The following ASTN1 variants were observed in gnomAD, a reference collection of about 807,000 sequenced individuals.
The protein encoded by ASTN1 is astrotactin 1.
A neutral mutation model predicts 140.7 loss-of-function variants in ASTN1; 41 were observed. The ratio of observed to expected loss-of-function variants is 0.29; its 90% CI spans 0.23 to 0.38. ASTN1 has a LOEUF of 0.38. Ranked by LOEUF, ASTN1 falls within the 10% of genes least tolerant of loss-of-function variation. ASTN1 has a pLI of 1.00. For synonymous variants in ASTN1, 640 were observed against 652.2 expected, an observed-to-expected ratio of 0.98 and a Z score of 0.29; for missense variants, 1,479 against 1,678.8, an observed-to-expected ratio of 0.88 and a Z score of 2.08.
At chr1:177,153,810 A>G (rs1392117773) in intron 1 of ASTN1, among the ~76,000 whole-genome samples, 1 of 152,212 alleles carries the variant, frequency 6.6e-6, no homozygotes, top group Non-Finnish European at 1.5e-5. Context: ...CTCATTTTAC[A>G]GTCAAAGAGA....
intron 8 of ASTN1, chr1:176,976,472 C>G (rs1232190555): frequency 6.6e-6 from 1 of 152,168 alleles, no homozygotes; most frequent in Non-Finnish European, 1.5e-5. Flanking sequence ...CCAACACTGA[C>G]CCTGCAGTCT....
intron 1 of ASTN1, among the ~76,000 whole-genome samples, chr1:177,101,211 C>A (rs1680285972): frequency 6.6e-6 from 1 of 152,188 alleles, no homozygotes; most frequent in East Asian, 1.9e-4. Flanking sequence ...TATTATACAT[C>A]TAACTAAAAT....
At chr1:177,161,937 T>A (rs1647400777) in intron 1 of ASTN1, among the ~76,000 whole-genome samples, 1 of 152,164 alleles carries the variant, frequency 6.6e-6, no homozygotes, top group African/African-American at 2.4e-5. Context: ...GTGTTTCCAG[T>A]GACTAGAGAC....
chr1:177,161,543 A>C (rs987363322), intron 1 of ASTN1, among the ~76,000 whole-genome samples: 3 of 152,184 alleles, frequency 2.0e-5, no homozygotes, highest in African/African-American at 7.2e-5. Flanking sequence ...GATACCACCT[A>C]ATAGAGAAAG....
intron 8 of ASTN1, among the ~76,000 whole-genome samples, chr1:177,002,773 G>T (rs1674796620): frequency 6.6e-6 from 1 of 151,994 alleles, no homozygotes; most frequent in Admixed American, 6.6e-5. Context: ...TATTAGCATT[G>T]TTTTTGCAGA....
intron 1 of ASTN1, among the ~76,000 whole-genome samples, chr1:177,128,645 C>T (rs1048324959): frequency 6.6e-6 from 1 of 152,094 alleles, no homozygotes; most frequent in Non-Finnish European, 1.5e-5. Flanking sequence ...AATCACTCTT[C>T]CCTTTTTTCT....
intron 1 of ASTN1, among the ~76,000 whole-genome samples, chr1:177,079,166 C>G (rs181671647): frequency 6.6e-6 from 1 of 152,216 alleles, no homozygotes; most frequent in African/African-American, 2.4e-5. Context: ...GAAATGAAAC[C>G]AGGACTAAAT....
At chr1:176,921,095 T>C (rs987933846) in intron 16 of ASTN1, among the ~76,000 whole-genome samples, 1 of 152,198 alleles carries the variant, frequency 6.6e-6, no homozygotes, top group African/African-American at 2.4e-5. Flanking sequence ...CTTCATTTCG[T>C]AGAGTAGATG....
chr1:176,961,347 G>T (rs1039834464), intron 9 of ASTN1, among the ~76,000 whole-genome samples: 9 of 152,188 alleles, frequency 5.9e-5, no homozygotes, highest in African/African-American at 2.2e-4. Context: ...ACACTGCACT[G>T]GACCATGTTA....
Position 176,995,261 on chromosome 1 carries a change from G to A in ASTN1, c.1523+19530C>T, listed in dbSNP as rs145029738. On this transcript the variant is annotated intron_variant, in intron 8 of 22. Transcript: ENST00000361833. Reference sequence around the variant, plus strand: ...GCAGCTTGGGATAGTATGGGCAGGGGCAGACCAGTGAACAGATGATTATAG... The same window carrying A: ...GCAGCTTGGGATAGTATGGGCAGGGACAGACCAGTGAACAGATGATTATAG... 2.9e-4 allele frequency among the ~76,000 whole-genome samples: 44 copies of A among 152,294 alleles called. No homozygotes were observed. In the East Asian group the frequency reaches 7.9e-3, roughly 27 times the overall value.
intron 8 of ASTN1, among the ~76,000 whole-genome samples, chr1:177,012,964 C>A (rs989354661): frequency 6.6e-6 from 1 of 152,182 alleles, no homozygotes; most frequent in African/African-American, 2.4e-5. Flanking sequence ...TCTTAGCCAT[C>A]CCATTAGCTA....
chr1:177,036,426 G>A (rs1427317549), intron 2 of ASTN1, among the ~76,000 whole-genome samples: 3 of 152,100 alleles, frequency 2.0e-5, no homozygotes, highest in Non-Finnish European at 1.5e-5. Flanking sequence ...TTTGAAAAAG[G>A]ATTCTCAGGT....
intron 1 of ASTN1, among the ~76,000 whole-genome samples, chr1:177,142,497 G>A (rs990687143): frequency 4.6e-5 from 7 of 152,094 alleles, no homozygotes; most frequent in African/African-American, 9.7e-5. Context: ...CCCAGACAAC[G>A]TGGAGTAGTT....
intron 1 of ASTN1, among the ~76,000 whole-genome samples, chr1:177,078,536 C>T (rs1383340860): frequency 1.3e-5 from 2 of 152,078 alleles, no homozygotes; most frequent in Non-Finnish European, 2.9e-5. Flanking sequence ...AAGTCTTTCC[C>T]TCAAAAAACA....
At chr1:176,921,131 A>G (rs1011749673) in intron 16 of ASTN1, among the ~76,000 whole-genome samples, 1 of 152,216 alleles carries the variant, frequency 6.6e-6, no homozygotes, top group African/African-American at 2.4e-5. Context: ...TTTGAAAATG[A>G]TGTCACTGCC....
chr1:176,864,227 G>A lies in ASTN1; in HGVS notation c.*57C>T. ...TATTAAAAATCCACAGACCAACCCA[G>A]ATGGATCCCTCCTCTTTCCTACTTC... is the stretch of plus-strand genomic sequence containing the variant. On this transcript the variant is annotated 3_prime_UTR_variant, in exon 23 of 23. Transcript: ENST00000361833. 6.3e-7 allele frequency: 1 copy of A among 1,590,326 alleles called. No individual in the cohort carries two copies. The highest frequency in any genetic ancestry group is 8.6e-7 in the Non-Finnish European group (1 of 1,168,616).
intron 21 of ASTN1, among the ~76,000 whole-genome samples, chr1:176,873,561 C>G (rs2103016957): frequency 6.6e-6 from 1 of 152,280 alleles, no homozygotes; most frequent in Middle Eastern, 3.4e-3. Flanking sequence ...TGGATTTAAA[C>G]TCAGACCTGA....
chr1:176,999,864 G>A (rs1674637746), intron 8 of ASTN1, among the ~76,000 whole-genome samples: 1 of 152,088 alleles, frequency 6.6e-6, no homozygotes, highest in Non-Finnish European at 1.5e-5. Flanking sequence ...GTAAAGAGGT[G>A]CCATCCACCA....
chr1:176,917,635 G>T (rs1480025328), intron 16 of ASTN1, among the ~76,000 whole-genome samples: 3 of 152,160 alleles, frequency 2.0e-5, no homozygotes, highest in Non-Finnish European at 2.9e-5. Context: ...TTTCAGTTCT[G>T]CCCTGTAGAG....
Sources: allele counts gnomAD v4.1 joint callset (sites outside exome capture counted in the v4.1 genomes callset), GRCh38; gene constraint gnomAD v4.1.1; transcripts MANE v1.5; gene names NCBI Gene and HGNC (gene_info 2026-07-23, HGNC 2026-07-21).